LIN54: variants seen among roughly 807,000 people sequenced by gnomAD.
LIN54 encodes lin-54 DREAM MuvB core complex component.
Under a neutral mutation model 78.7 loss-of-function variants are expected in LIN54, and 9 were observed. The observed-to-expected ratio is 0.11, with a 90% CI of 0.07 to 0.20. The LOEUF (loss-of-function observed/expected upper bound fraction) is 0.20. LIN54 is among the 10% of genes least tolerant of loss of function. The probability of loss-of-function intolerance (pLI) is 1.00; values close to 1 mark genes in which losing one functional copy is unlikely to be tolerated. For synonymous variants in LIN54, 269 were observed against 318.4 expected (o/e 0.84, Z 1.65); for missense variants, 573 against 889.9 (o/e 0.64, Z 4.53).
intron 4 of LIN54, among the ~76,000 whole-genome samples, chr4:82,947,224 TATATATATA>T (rs1560733281): frequency 1.5e-3 from 33 of 21,402 alleles, no homozygotes; most frequent in African/African-American, 4.5e-3. Flanking sequence ...TATATATATA[TATATATATA>T]TATTTTTTTT....
At chr4:82,986,957 G>A (rs1360486944) in intron 1 of LIN54, among the ~76,000 whole-genome samples, 1 of 152,098 alleles carries the variant, frequency 6.6e-6, no homozygotes, top group Non-Finnish European at 1.5e-5. Flanking sequence ...CTAGTAAATG[G>A]TAGAGCCAGG....
intron 1 of LIN54, among the ~76,000 whole-genome samples, chr4:82,998,835 G>A (rs528866607): frequency 6.6e-6 from 1 of 151,774 alleles, no homozygotes; most frequent in South Asian, 2.1e-4. Flanking sequence ...TGTCATGAAT[G>A]TATGAAACAT....
upstream of LIN54, among the ~76,000 whole-genome samples, chr4:83,011,778 CAT>C (rs1220419975): frequency 1.4e-5 from 2 of 143,078 alleles, no homozygotes; most frequent in Non-Finnish European, 3.1e-5. Flanking sequence ...AATAACAAAA[CAT>C]AAGCTGCAAG....
intron 1 of LIN54, among the ~76,000 whole-genome samples, chr4:83,004,125 C>T (rs914979840): frequency 2.0e-5 from 3 of 152,132 alleles, no homozygotes; most frequent in Admixed American, 1.3e-4. Flanking sequence ...AGGCCGGGTG[C>T]GGTGGCTTAT....
chr4:82,944,567 C>T (rs1213131283), intron 5 of LIN54, among the ~76,000 whole-genome samples: 1 of 144,456 alleles, frequency 6.9e-6, no homozygotes, highest in Non-Finnish European at 1.5e-5. Flanking sequence ...AATATAACTG[C>T]TTGCTATGAC....
chr4:82,985,547 T>C (rs1727053469), intron 1 of LIN54, among the ~76,000 whole-genome samples: 1 of 152,048 alleles, frequency 6.6e-6, no homozygotes. Context: ...CTTACTTAAT[T>C]AATTAATTAT....
At chr4:82,990,695 G>A (rs1047926885) in intron 1 of LIN54, among the ~76,000 whole-genome samples, 16 of 152,078 alleles carry the variant, frequency 1.1e-4, no homozygotes, top group Non-Finnish European at 8.8e-5. Context: ...ATGTTAGCCA[G>A]GATGGTCTCG....
intron 4 of LIN54, among the ~76,000 whole-genome samples, chr4:82,949,714 G>A (rs528936181): frequency 3.1e-4 from 47 of 151,836 alleles, no homozygotes; most frequent in Non-Finnish European, 5.4e-4. Context: ...TTTATAAATT[G>A]TAGATTTTAA....
At chr4:83,003,775 C>T (rs906437275) in intron 1 of LIN54, among the ~76,000 whole-genome samples, 10 of 152,196 alleles carry the variant, frequency 6.6e-5, no homozygotes, top group Admixed American at 3.3e-4. Flanking sequence ...ATCCACCCAC[C>T]TCGGCCTCAC....
chr4:82,997,745 C>A (rs1714471141), intron 1 of LIN54, among the ~76,000 whole-genome samples: 1 of 151,858 alleles, frequency 6.6e-6, no homozygotes, highest in South Asian at 2.1e-4. Flanking sequence ...GTAATCCCAG[C>A]ACTTTGGGAG....
intron 12 of LIN54, among the ~76,000 whole-genome samples, chr4:82,929,400 A>C (rs916318189): frequency 1.3e-5 from 2 of 152,184 alleles, no homozygotes; most frequent in African/African-American, 4.8e-5. Flanking sequence ...CAATACTCTA[A>C]AGACCAGAAA....
chr4:83,003,828 AT>A lies in LIN54; in HGVS notation c.-33+6655del, dbSNP rs552402823. Among the ~76,000 whole-genome samples, 1,006 of 151,876 alleles carry A rather than the reference AT, an allele frequency of 6.6e-3. 10 individuals carry two copies. Among genetic ancestry groups the A allele is most frequent in the African/African-American group, 0.023 (957 of 41,438 alleles). The stretch of plus-strand genomic sequence containing the variant: ...GGCATGAGCTACTGCACCTGACCTA[AT>A]TTTTTTTTAAAAAAGAAAGGTTTGT... On this transcript the variant is annotated intron_variant, in intron 1 of 12. Coordinates refer to ENST00000340417, the MANE Select transcript of LIN54 (RefSeq NM_194282.4).
At position 82,938,545 on chromosome 4, in the gene LIN54, A is replaced by G. The variant is rs72925219; in HGVS notation, c.1441-41T>C. 3,199 of 1,109,638 alleles carry G rather than the reference A, an allele frequency of 2.9e-3. 70 individuals carry two copies. In the African/African-American group the frequency reaches 0.044, roughly 15 times the overall value. The allele number at this position is 1,109,638 out of a possible 1,614,324, so 68.7% of individuals were successfully genotyped here. Reference sequence around the variant, plus strand: ...ATTAATTTTAGATCATATTTCCAAAAATGGACAATACTGTCAGGTATGATG... The same window carrying G: ...ATTAATTTTAGATCATATTTCCAAAGATGGACAATACTGTCAGGTATGATG... On this transcript the variant is annotated intron_variant, in intron 7 of 12. Coordinates refer to ENST00000340417, the MANE Select transcript of LIN54 (RefSeq NM_194282.4).
At chr4:82,955,419 CATAAT>C (rs1724223759) in intron 4 of LIN54, among the ~76,000 whole-genome samples, 2 of 150,724 alleles carry the variant, frequency 1.3e-5, no homozygotes, top group African/African-American at 2.5e-5. Context: ...CATAACATAA[CATAAT>C]GAACAGACAA....
chr4:82,992,315 T>C (rs991643300), intron 1 of LIN54, among the ~76,000 whole-genome samples: 1 of 152,216 alleles, frequency 6.6e-6, no homozygotes, highest in Non-Finnish European at 1.5e-5. Flanking sequence ...TTCCTCGTAG[T>C]GGTAAACTGT....
At chr4:82,956,104 C>A (rs1009672709) in intron 4 of LIN54, among the ~76,000 whole-genome samples, 3 of 152,120 alleles carry the variant, frequency 2.0e-5, no homozygotes, top group East Asian at 2.0e-4. Flanking sequence ...CCTGCTACCA[C>A]GCGCGGCTAA....
At chr4:82,986,581 A>G (rs375391295) in intron 1 of LIN54, among the ~76,000 whole-genome samples, 1 of 151,498 alleles carries the variant, frequency 6.6e-6, no homozygotes, top group Non-Finnish European at 1.5e-5. Flanking sequence ...GCATGCACCT[A>G]TAGTCCCAGC....
At chr4:82,981,164 G>A (rs939884494) in intron 2 of LIN54, among the ~76,000 whole-genome samples, 5 of 152,078 alleles carry the variant, frequency 3.3e-5, no homozygotes, top group Admixed American at 6.6e-5. Flanking sequence ...TACAAATAAG[G>A]TAGTAAAATA....
rs773780729 is a variant in LIN54, at chr4:82,984,676, T to C, written c.169A>G (p.Thr57Ala). The change falls in exon 2 of 13, where the codon ACA becomes GCA. Residue 57 changes from threonine (T) to alanine (A), a missense_variant. Physicochemically the swap from Thr to Ala is moderately conservative, Grantham distance 58. This residue lies in a region of LIN54 where 183 missense variants were observed against 228.4 expected (regional missense o/e 0.80). Coordinates refer to ENST00000340417, the MANE Select transcript of LIN54 (RefSeq NM_194282.4). Reference protein sequence around the residue: ...IVNINSTGDSTATPISTEPIT... With the variant: ...IVNINSTGDSAATPISTEPIT... The stretch of plus-strand genomic sequence containing the variant: ...GGTTCCGTGGAAATGGGCGTGGCTG[T>C]AGAGTCACCAGTAGAATTTATGTTG... 70 of 1,614,098 alleles carry C rather than the reference T, an allele frequency of 4.3e-5. No homozygotes were observed. Among genetic ancestry groups the C allele is most frequent in the Non-Finnish European group, 5.6e-5 (66 of 1,180,050 alleles).
Sources: gnomAD v4.1 joint callset for allele counts (sites outside exome capture counted in the v4.1 genomes callset) on GRCh38, gnomAD v4.1.1 for gene constraint, gnomAD v4.1.1 regional missense constraint, MANE v1.5 for transcripts, NCBI Gene and HGNC (gene_info 2026-07-23, HGNC 2026-07-21) for gene names.